CLVS1: variants seen among roughly 807,000 people sequenced by gnomAD.
CLVS1 encodes clavesin-1.
Under a neutral mutation model 33.1 loss-of-function variants are expected in CLVS1, and 10 were observed. The observed-to-expected ratio is 0.30, with a 90% CI of 0.19 to 0.51. The LOEUF is 0.51. Ranked by LOEUF, CLVS1 falls within the 20% of genes least tolerant of loss-of-function variation. CLVS1 has a pLI of 0.97. For missense variants in CLVS1, 343 were observed against 433.4 expected (o/e 0.79, Z 1.85); for synonymous variants, 163 against 166.1 (o/e 0.98, Z 0.14).
At chr8:61,275,763 T>C (rs1286794628) in intron 2 of CLVS1, among the ~76,000 whole-genome samples, 2 of 152,182 alleles carry the variant, frequency 1.3e-5, no homozygotes, top group Non-Finnish European at 2.9e-5. Context: ...AAAGTTAGTC[T>C]CTCAAAGGTC....
chr8:61,393,742 G>T (rs2129603017), intron 3 of CLVS1, among the ~76,000 whole-genome samples: 1 of 152,322 alleles, frequency 6.6e-6, no homozygotes, highest in Non-Finnish European at 1.5e-5. Context: ...TCTGCAAAGA[G>T]TCCTGTGATG....
upstream of CLVS1, among the ~76,000 whole-genome samples, chr8:61,053,087 G>A (rs943152260): frequency 3.9e-5 from 6 of 152,174 alleles, no homozygotes; most frequent in African/African-American, 1.4e-4. Flanking sequence ...GCAACTGCAG[G>A]AAAGGAGCTA....
the CLVS1 span, among the ~76,000 whole-genome samples, chr8:61,017,988 T>A: frequency 2.0e-5 from 3 of 152,204 alleles, no homozygotes; most frequent in African/African-American, 7.2e-5. Context: ...ATGCTCAATG[T>A]TGAGGGCAGA....
At chr8:61,035,503 G>C in the CLVS1 span, among the ~76,000 whole-genome samples, 3 of 152,166 alleles carry the variant, frequency 2.0e-5, no homozygotes, top group African/African-American at 4.8e-5. Flanking sequence ...CTGGGTTCTT[G>C]TGGCCGGCCC....
At chr8:61,345,628 G>A (rs899318005) in intron 2 of CLVS1, among the ~76,000 whole-genome samples, 1 of 147,330 alleles carries the variant, frequency 6.8e-6, no homozygotes, top group African/African-American at 2.6e-5. Context: ...AGGGGTGTGT[G>A]TGTGTGTGTA....
chr8:61,471,092 T>C (rs1817719679), intron 5 of CLVS1, among the ~76,000 whole-genome samples: 1 of 152,216 alleles, frequency 6.6e-6, no homozygotes, highest in African/African-American at 2.4e-5. Flanking sequence ...ATGATTACAC[T>C]GGTCTTTTCC....
intron 2 of CLVS1, among the ~76,000 whole-genome samples, chr8:61,359,500 C>A (rs991527072): frequency 6.6e-6 from 1 of 152,064 alleles, no homozygotes. Context: ...GGGTGATAGG[C>A]AAGTGCCATC....
rs79530005 is a variant in CLVS1 at position 61,437,420 on chromosome 8, G to A, written c.631-16721G>A. Among the ~76,000 whole-genome samples the A allele has an allele frequency of 5.1e-3, 782 of 152,228 alleles. 31 individuals are homozygous for A. In the East Asian group the frequency reaches 0.1, roughly 20 times the overall value. ...TAACTCTGTCTTAAAAGAATCCTCC[G>A]TACTGTTTATTTTGCAGATAGGTTA... On this transcript the variant is annotated intron_variant, in intron 3 of 5. Coordinates refer to ENST00000325897, the MANE Select transcript of CLVS1 (RefSeq NM_173519.3).
At chr8:61,255,413 T>G (rs1338412735) in intron 2 of CLVS1, among the ~76,000 whole-genome samples, 4 of 152,188 alleles carry the variant, frequency 2.6e-5, no homozygotes, top group Non-Finnish European at 5.9e-5. Context: ...AGAAACTTGC[T>G]AAGTGCTGAG....
intron 2 of CLVS1, among the ~76,000 whole-genome samples, chr8:61,245,113 A>G (rs1346111405): frequency 6.6e-6 from 1 of 152,146 alleles, no homozygotes; most frequent in East Asian, 1.9e-4. Context: ...TAGTACAGTT[A>G]TACTGGCTTC....
At chr8:61,170,349 C>T (rs1806968221) in intron 2 of CLVS1, among the ~76,000 whole-genome samples, 1 of 152,086 alleles carries the variant, frequency 6.6e-6, no homozygotes, top group African/African-American at 2.4e-5. Flanking sequence ...TTTCCGTTCT[C>T]CACTCTGCCT....
rs548570680 is a variant in CLVS1 at position 61,167,146 on chromosome 8, TC to T, written c.-152+35288del. Among the ~76,000 whole-genome samples, 223 of 151,658 alleles carry T rather than the reference TC, an allele frequency of 1.5e-3. 1 individual carries two copies. The highest frequency in any genetic ancestry group is 8.1e-3 in the South Asian group (39 of 4,824). ...GTCTTGTTCTTTTATTTGCTTCTGC[TC>T]CTTCTATCTCCTTTTTACCTTCAAT... On this transcript the variant is annotated intron_variant, in intron 2 of 2. Transcript: ENST00000522621.
At chr8:61,010,455 T>A in the CLVS1 span, among the ~76,000 whole-genome samples, 2 of 152,240 alleles carry the variant, frequency 1.3e-5, no homozygotes, top group Admixed American at 1.3e-4. Context: ...AAAAAGTTAT[T>A]CATTGTTTAT....
intron 2 of CLVS1, among the ~76,000 whole-genome samples, chr8:61,338,915 T>C (rs1343105201): frequency 6.6e-6 from 1 of 151,974 alleles, no homozygotes; most frequent in African/African-American, 2.4e-5. Context: ...TTACAGCCCC[T>C]CCCTTCCTGG....
At chr8:61,091,083 A>G (rs1296989613) in intron 1 of CLVS1, among the ~76,000 whole-genome samples, 1 of 152,156 alleles carries the variant, frequency 6.6e-6, no homozygotes, top group Middle Eastern at 3.2e-3. Context: ...TAAATTAAGG[A>G]TCTTGCCATG....
chr8:61,382,431 C>T (rs1310767734), intron 3 of CLVS1, among the ~76,000 whole-genome samples: 1 of 152,164 alleles, frequency 6.6e-6, no homozygotes, highest in Non-Finnish European at 1.5e-5. Context: ...TAGGGCCTTA[C>T]TTCTCCAGGT....
At chr8:61,317,016 A>AT (rs915049743) in intron 2 of CLVS1, among the ~76,000 whole-genome samples, 29 of 152,024 alleles carry the variant, frequency 1.9e-4, no homozygotes, top group African/African-American at 5.1e-4. Context: ...TATTATTCTG[A>AT]TTTTTTTTCA....
At chr8:61,170,434 C>T (rs1157730415) in intron 2 of CLVS1, among the ~76,000 whole-genome samples, 1 of 152,132 alleles carries the variant, frequency 6.6e-6, no homozygotes, top group Non-Finnish European at 1.5e-5. Context: ...TTTAGATTCT[C>T]AACACTGTCA....
chr8:61,107,678 G>C (rs533516953), intron 1 of CLVS1, among the ~76,000 whole-genome samples: 3 of 152,216 alleles, frequency 2.0e-5, no homozygotes, highest in African/African-American at 4.8e-5. Flanking sequence ...CTGGTTCTCC[G>C]TGAAGATGAG....
Sources: allele counts gnomAD v4.1 joint callset (sites outside exome capture counted in the v4.1 genomes callset), GRCh38; gene constraint gnomAD v4.1.1; transcripts MANE v1.5; gene names NCBI Gene and HGNC (gene_info 2026-07-23, HGNC 2026-07-21).